Variants in ICA1 observed in about 807,000 individuals in gnomAD.
ICA1 encodes 69 kDa islet cell autoantigen.
A neutral mutation model predicts 71.0 loss-of-function variants in ICA1; 40 were observed. That is an observed-to-expected ratio of 0.56 (90% CI 0.44 to 0.73). The LOEUF (loss-of-function observed/expected upper bound fraction) is 0.73. ICA1 is among the 30% of genes least tolerant of loss of function. The probability of loss-of-function intolerance (pLI) is 0.00; values close to 1 mark genes in which losing one functional copy is unlikely to be tolerated. For synonymous variants in ICA1, 207 were observed against 209.5 expected, an observed-to-expected ratio of 0.99 and a Z score of 0.10; for missense variants, 578 against 576.5, an observed-to-expected ratio of 1.00 and a Z score of -0.03.
intron 13 of ICA1, among the ~76,000 whole-genome samples, chr7:8,121,007 C>G (rs1043297280): frequency 3.3e-5 from 5 of 152,232 alleles, no homozygotes; most frequent in African/African-American, 1.2e-4. Context: ...AGTTCCCCCT[C>G]AGGCCTAGTT....
chr7:8,200,496 T>A (rs368483880), intron 6 of ICA1, among the ~76,000 whole-genome samples: 1 of 152,054 alleles, frequency 6.6e-6, no homozygotes, highest in African/African-American at 2.4e-5. Context: ...AAGGAACAGA[T>A]TGACTTCCTG....
intron 2 of ICA1, among the ~76,000 whole-genome samples, chr7:8,235,128 A>T (rs1216524675): frequency 1.3e-5 from 2 of 151,996 alleles, no homozygotes; most frequent in Non-Finnish European, 2.9e-5. Context: ...TGCACCACTG[A>T]ACTCCAGCCT....
intron 4 of ICA1, among the ~76,000 whole-genome samples, chr7:8,225,274 T>A (rs1798268543): frequency 6.6e-6 from 1 of 152,204 alleles, no homozygotes; most frequent in South Asian, 2.1e-4. Context: ...CTGTCCCTTC[T>A]CCACCATTTA....
At chr7:8,139,090 G>A in intron 10 of ICA1, 43 bp from the exon 11 acceptor site, 2 of 1,470,224 alleles carry the variant, frequency 1.4e-6, no homozygotes, top group South Asian at 1.1e-5. Flanking sequence ...AACTCGAAAT[G>A]GTGTGCATGT....
intron 6 of ICA1, among the ~76,000 whole-genome samples, chr7:8,194,774 A>AT (rs1382408561): frequency 1.3e-5 from 2 of 152,142 alleles, no homozygotes; most frequent in Non-Finnish European, 2.9e-5. Flanking sequence ...TTTATAAAGA[A>AT]TTTTTTGACA....
At chr7:8,165,078 CT>C (rs1805410572) in intron 6 of ICA1, among the ~76,000 whole-genome samples, 1 of 152,054 alleles carries the variant, frequency 6.6e-6, no homozygotes, top group Non-Finnish European at 1.5e-5. Context: ...AAGACCCTGT[CT>C]CAAAAACAAA....
intron 6 of ICA1, among the ~76,000 whole-genome samples, chr7:8,207,997 C>T (rs6968598): frequency 0.99 from 150,522 of 152,282 alleles, 74,398 homozygotes; most frequent in Middle Eastern, 1. Context: ...CTTGCATAAA[C>T]CTTGTTAGGA....
chr7:8,133,610 T>C (rs1792280862), intron 12 of ICA1, among the ~76,000 whole-genome samples: 1 of 152,210 alleles, frequency 6.6e-6, no homozygotes, highest in African/African-American at 2.4e-5. Context: ...ACAGGCTGGC[T>C]GTGAGATTAC....
intron 1 of ICA1, among the ~76,000 whole-genome samples, chr7:8,239,912 G>A (rs905937564): frequency 6.6e-6 from 1 of 152,212 alleles, no homozygotes; most frequent in Non-Finnish European, 1.5e-5. Context: ...GAACTGGGCG[G>A]AACCCACTGC....
intron 6 of ICA1, among the ~76,000 whole-genome samples, chr7:8,189,293 T>C (rs1158751271): frequency 6.6e-6 from 1 of 152,178 alleles, no homozygotes; most frequent in Non-Finnish European, 1.5e-5. Flanking sequence ...ATTGGGGTCA[T>C]TATACTAGAA....
intron 6 of ICA1, among the ~76,000 whole-genome samples, chr7:8,181,458 T>G (rs567889694): frequency 2.8e-4 from 42 of 152,314 alleles, no homozygotes; most frequent in African/African-American, 1.0e-3. Context: ...TCCTGGCTAT[T>G]CTATGCCCTT....
intron 6 of ICA1, among the ~76,000 whole-genome samples, chr7:8,211,575 G>A (rs1793807374): frequency 6.6e-6 from 1 of 152,162 alleles, no homozygotes; most frequent in Non-Finnish European, 1.5e-5. Flanking sequence ...GAATTGGACT[G>A]TCTGGGGCCA....
At chr7:8,194,184 A>T (rs1786620563) in intron 6 of ICA1, among the ~76,000 whole-genome samples, 1 of 152,166 alleles carries the variant, frequency 6.6e-6, no homozygotes, top group Admixed American at 6.5e-5. Context: ...TGTCTGTTAT[A>T]CACAAACACA....
intron 6 of ICA1, among the ~76,000 whole-genome samples, chr7:8,177,548 C>T (rs1175612537): frequency 6.6e-6 from 1 of 152,112 alleles, no homozygotes; most frequent in Non-Finnish European, 1.5e-5. Flanking sequence ...TTGGTATTTC[C>T]TTTATTTTTT....
chr7:8,187,826 T>C (rs976232690), intron 6 of ICA1, among the ~76,000 whole-genome samples: 3 of 152,246 alleles, frequency 2.0e-5, no homozygotes, highest in African/African-American at 7.2e-5. Flanking sequence ...AGATTTAGTA[T>C]CATCAAGATG....
intron 13 of ICA1, 198 bp from the exon 14 acceptor site, chr7:8,114,242 T>C: frequency 1.7e-6 from 1 of 577,268 alleles, no homozygotes; most frequent in East Asian, 3.0e-5. Flanking sequence ...AACCAGGGCC[T>C]GAAGCTCCGA....
chr7:8,215,671 G>C (rs994897216), intron 6 of ICA1, among the ~76,000 whole-genome samples: 2 of 152,330 alleles, frequency 1.3e-5, no homozygotes, highest in Middle Eastern at 6.8e-3. Flanking sequence ...AATCCAAATA[G>C]GGAGATCACA....
chr7:8,218,217 T>G, intron 6 of ICA1, 88 bp downstream of exon 6: 3 of 1,145,694 alleles, frequency 2.6e-6, no homozygotes, highest in Non-Finnish European at 3.9e-6. Flanking sequence ...TGCTTTTGAG[T>G]TATGTCTTCT....
chr7:8,185,849 T>C (rs1026709372), intron 6 of ICA1, among the ~76,000 whole-genome samples: 2 of 152,250 alleles, frequency 1.3e-5, no homozygotes, highest in Non-Finnish European at 2.9e-5. Context: ...CATACAGTGC[T>C]TGGTGCATAG....
Sources: gnomAD v4.1 joint callset for allele counts (sites outside exome capture counted in the v4.1 genomes callset) on GRCh38, gnomAD v4.1.1 for gene constraint, MANE v1.5 for transcripts, NCBI Gene and HGNC (gene_info 2026-07-23, HGNC 2026-07-21) for gene names.